Variants in FBXL20 observed in about 807,000 individuals in gnomAD.
FBXL20 encodes F-box and leucine rich repeat protein 20.
A neutral mutation model predicts 64.0 loss-of-function variants in FBXL20; 11 were observed. That is an observed-to-expected ratio of 0.17 (90% confidence interval 0.11 to 0.28). FBXL20 has a LOEUF of 0.28. Among genes scored for constraint, FBXL20 ranks in the 10% least tolerant of loss-of-function variants. The pLI is 1.00. For missense variants in FBXL20, 303 were observed against 526.2 expected (o/e 0.58, Z 4.15); for synonymous variants, 184 against 189.0 (o/e 0.97, Z 0.22).
chr17:39,340,981 T>G (rs1300564438), intron 2 of FBXL20, among the ~76,000 whole-genome samples: 1 of 151,758 alleles, frequency 6.6e-6, no homozygotes, highest in African/African-American at 2.4e-5. Flanking sequence ...GCTTTAATTG[T>G]TTAAACAAAG....
At chr17:39,401,816 A>T, upstream of FBXL20, 1 of 693,170 alleles carries the variant, frequency 1.4e-6, no homozygotes, top group Non-Finnish European at 1.8e-6. Context: ...TCCCGGGAGC[A>T]GCCGGTGCGC....
At chr17:39,268,765 ATGT>A in intron 12 of FBXL20, 59 bp downstream of exon 12, 1 of 1,399,240 alleles carries the variant, frequency 7.1e-7, no homozygotes. Flanking sequence ...GCACATTCTG[ATGT>A]TGTGTATTAT....
chr17:39,349,314 GATTCCATCTCAAAAA>G (rs2047664279), intron 1 of FBXL20, among the ~76,000 whole-genome samples: 1 of 75,078 alleles, frequency 1.3e-5, no homozygotes, highest in Non-Finnish European at 2.3e-5. Context: ...AACAGAGCAA[GATTCCATCTCAAAAA>G]AAAAAAAAAA....
chr17:39,313,605 A>C (rs9893735), intron 2 of FBXL20, among the ~76,000 whole-genome samples: 34,265 of 151,868 alleles, frequency 0.23, 4,560 homozygotes, highest in African/African-American at 0.37. Flanking sequence ...CTACTACAGC[A>C]ATTATTTTTT....
chr17:39,373,771 C>T (rs1482418136), intron 1 of FBXL20, among the ~76,000 whole-genome samples: 15 of 152,170 alleles, frequency 9.9e-5, no homozygotes, highest in African/African-American at 3.6e-4. Flanking sequence ...TAGTGCCTTA[C>T]ACATGACAAG....
intron 1 of FBXL20, among the ~76,000 whole-genome samples, chr17:39,385,856 C>G (rs1467599712): frequency 1.3e-5 from 2 of 151,390 alleles, no homozygotes; most frequent in East Asian, 3.9e-4. Flanking sequence ...ATGATGAAAT[C>G]CTGTCTCTAC....
At chr17:39,369,640 C>T (rs901279444) in intron 1 of FBXL20, among the ~76,000 whole-genome samples, 1 of 151,788 alleles carries the variant, frequency 6.6e-6, no homozygotes, top group Non-Finnish European at 1.5e-5. Flanking sequence ...TGTGAGCCAC[C>T]GTGCCCAGCT....
At position 39,337,657 on chromosome 17, in the gene FBXL20, A is replaced by ACC. The variant is rs2047538626; in HGVS notation, c.104+5521_104+5522dup. Among the ~76,000 whole-genome samples the ACC allele has an allele frequency of 3.0e-5, 4 of 134,690 alleles. No individual in the cohort carries two copies. In the South Asian group the frequency reaches 9.7e-4, roughly 33 times the overall value. The allele number at this position is 134,690 out of a possible 152,430, so 88.4% of individuals were successfully genotyped here. Reference sequence around the variant, plus strand: ...GCCGCCCCGTCTGAGAAATGAGGAGACCCTCTGCCTGGCAACCGCCCCGTC... The same window carrying ACC: ...GCCGCCCCGTCTGAGAAATGAGGAGACCCCCTCTGCCTGGCAACCGCCCCGTC... On this transcript the variant is annotated intron_variant, in intron 2 of 14. Coordinates refer to ENST00000264658, the MANE Select transcript of FBXL20 (RefSeq NM_032875.3).
intron 9 of FBXL20, among the ~76,000 whole-genome samples, chr17:39,279,429 T>A (rs1051921422): frequency 1.3e-4 from 20 of 151,254 alleles, no homozygotes; most frequent in Non-Finnish European, 2.8e-4. Context: ...AGCCCTGTAG[T>A]TGGAGGTTGC....
intron 1 of FBXL20, among the ~76,000 whole-genome samples, chr17:39,377,132 A>T (rs1005256413): frequency 6.6e-6 from 1 of 152,182 alleles, no homozygotes; most frequent in Non-Finnish European, 1.5e-5. Flanking sequence ...GCTGGAGGCT[A>T]CAAGATTCTG....
At chr17:39,327,142 T>G (rs1370445614) in intron 2 of FBXL20, among the ~76,000 whole-genome samples, 1 of 152,108 alleles carries the variant, frequency 6.6e-6, no homozygotes, top group Non-Finnish European at 1.5e-5. Flanking sequence ...CGCCTTGGCC[T>G]CCCAAAGTGC....
At chr17:39,309,775 G>A (rs1222697125) in intron 2 of FBXL20, among the ~76,000 whole-genome samples, 12 of 144,180 alleles carry the variant, frequency 8.3e-5, no homozygotes, top group Non-Finnish European at 1.5e-4. Context: ...CTAGGTGACA[G>A]AGTGAGACTC....
chr17:39,291,616 G>A (rs760508998), intron 6 of FBXL20, among the ~76,000 whole-genome samples: 2 of 151,680 alleles, frequency 1.3e-5, no homozygotes, highest in African/African-American at 4.8e-5. Context: ...CGAATTTTTA[G>A]TAGAGACGGG....
intron 2 of FBXL20, among the ~76,000 whole-genome samples, chr17:39,329,422 G>A (rs545587800): frequency 6.6e-6 from 1 of 152,122 alleles, no homozygotes; most frequent in South Asian, 2.1e-4. Context: ...CTGAGATACT[G>A]GCTGGAACTG....
At chr17:39,360,898 T>G (rs1470980026) in intron 1 of FBXL20, among the ~76,000 whole-genome samples, 1 of 152,156 alleles carries the variant, frequency 6.6e-6, no homozygotes. Flanking sequence ...AATGGTCATA[T>G]TTTTGCCAGT....
chr17:39,352,798 C>A (rs2047700271), intron 1 of FBXL20, among the ~76,000 whole-genome samples: 1 of 151,962 alleles, frequency 6.6e-6, no homozygotes, highest in African/African-American at 2.4e-5. Flanking sequence ...AAGCTCTGAC[C>A]TATATTATTT....
At chr17:39,288,091 G>A (rs2047005258) in intron 6 of FBXL20, among the ~76,000 whole-genome samples, 1 of 151,228 alleles carries the variant, frequency 6.6e-6, no homozygotes, top group South Asian at 2.1e-4. Context: ...AGCCTCCAGA[G>A]TAGCTGGGAC....
intron 2 of FBXL20, among the ~76,000 whole-genome samples, chr17:39,335,882 TGTAATCCTAATACTTC>T (rs554352484): frequency 2.6e-4 from 40 of 152,290 alleles, no homozygotes; most frequent in African/African-American, 9.1e-4. Context: ...GGCTCATGCC[TGTAATCCTAATACTTC>T]GTGAGGCTAA....
chr17:39,303,441 TTGGGTA>T (rs1022461833), intron 3 of FBXL20, 138 bp downstream of exon 3: 1 of 587,544 alleles, frequency 1.7e-6, no homozygotes, highest in Admixed American at 3.3e-5. Flanking sequence ...TTACATGGGT[TTGGGTA>T]TGTCATTGGT....
Sources: allele counts gnomAD v4.1 joint callset (sites outside exome capture counted in the v4.1 genomes callset), GRCh38; gene constraint gnomAD v4.1.1; transcripts MANE v1.5; gene names NCBI Gene and HGNC (gene_info 2026-07-23, HGNC 2026-07-21).